Variants in RIC1 observed in about 807,000 individuals in gnomAD.
The protein encoded by RIC1 is RIC1 partner of RAB6A GEF complex.
In RIC1, 88 loss-of-function variants were observed where a neutral mutation model predicts 169.0. The observed-to-expected ratio is 0.52, with a 90% CI of 0.44 to 0.62. RIC1 has a LOEUF of 0.62. RIC1 is among the 20% of genes least tolerant of loss of function. RIC1 has a pLI of 0.00. For synonymous variants in RIC1, 790 were observed against 601.5 expected, an observed-to-expected ratio of 1.31 and a Z score of -4.59; for missense variants, 1,877 against 1,725.5, an observed-to-expected ratio of 1.09 and a Z score of -1.56.
intron 2 of RIC1, among the ~76,000 whole-genome samples, chr9:5,672,783 T>G (rs915726707): frequency 1.3e-5 from 2 of 152,156 alleles, no homozygotes; most frequent in African/African-American, 2.4e-5. Flanking sequence ...TATCTAGAGA[T>G]AATGTGCAGA....
At chr9:5,746,446 G>C (rs1035967030) in intron 11 of RIC1, among the ~76,000 whole-genome samples, 2 of 152,060 alleles carry the variant, frequency 1.3e-5, no homozygotes, top group African/African-American at 4.8e-5. Context: ...TTTTTTAAAA[G>C]TTTTGTTTCC....
intron 3 of RIC1, among the ~76,000 whole-genome samples, chr9:5,702,986 G>T (rs1015616341): frequency 6.6e-6 from 1 of 152,150 alleles, no homozygotes; most frequent in African/African-American, 2.4e-5. Context: ...TTTGACATAA[G>T]ATTTGTGTAG....
chr9:5,775,511 CTTGT>C lies in RIC1; in HGVS notation c.*1268_*1271del, dbSNP rs3068662. On this transcript the variant is annotated 3_prime_UTR_variant, in exon 26 of 26. Transcript: ENST00000414202. Reference sequence around the variant, plus strand: ...AATGTTATTTTTTACAAAAAACAAACTTGTTTATTTTTATAATAACGATGTATTT... The same window carrying C: ...AATGTTATTTTTTACAAAAAACAAACTTATTTTTATAATAACGATGTATTT... The C allele has an allele frequency of 5.9e-4, 90 of 152,172 alleles. 1 individual carries two copies. Among genetic ancestry groups the C allele is most frequent in the Admixed American group, 4.8e-3 (73 of 15,284 alleles). 9.4% of individuals were successfully genotyped at this position (152,172 alleles called of 1,614,324 possible).
At chr9:5,640,400 C>G (rs777557336) in intron 1 of RIC1, among the ~76,000 whole-genome samples, 2 of 152,168 alleles carry the variant, frequency 1.3e-5, no homozygotes, top group Admixed American at 6.5e-5. Context: ...CTTCATCCCT[C>G]TACACTTTAA....
chr9:5,756,492 G>A lies in RIC1; in HGVS notation c.1853+120G>A. ...TATATTCAATCTTGTTTTTGTTAGA[G>A]GTAAAAAAAGCAAGGAGTTTTAATT... On this transcript the variant is annotated intron_variant, in intron 16 of 25. Coordinates refer to ENST00000414202, the MANE Select transcript of RIC1 (RefSeq NM_020829.4). The A allele has an allele frequency of 1.6e-5, 10 of 610,254 alleles. No individual in the cohort carries two copies. In the South Asian group the frequency reaches 1.9e-4, roughly 11 times the overall value. 37.8% of individuals were successfully genotyped at this position (610,254 alleles called of 1,614,324 possible). A position where few individuals can be genotyped will look rare whatever the true frequency, so the allele number is the denominator to read the frequency against.
intron 3 of RIC1, among the ~76,000 whole-genome samples, chr9:5,700,895 T>A (rs551896235): frequency 6.6e-6 from 1 of 152,366 alleles, no homozygotes; most frequent in African/African-American, 2.4e-5. Context: ...CTGCAAGTTA[T>A]AAATATTTTT....
At chr9:5,693,060 A>G (rs551550767) in intron 3 of RIC1, among the ~76,000 whole-genome samples, 2 of 152,104 alleles carry the variant, frequency 1.3e-5, no homozygotes, top group Non-Finnish European at 2.9e-5. Context: ...TTTATGCTCC[A>G]TCCAGCTACT....
chr9:5,663,949 T>C (rs1337383979), intron 2 of RIC1, among the ~76,000 whole-genome samples: 1 of 152,234 alleles, frequency 6.6e-6, no homozygotes, highest in East Asian at 1.9e-4. Context: ...TAATGGTTTT[T>C]CCTTTCCATA....
intron 21 of RIC1, 94 bp from the exon 22 acceptor site, chr9:5,768,876 C>T: frequency 7.5e-6 from 10 of 1,329,970 alleles, no homozygotes; most frequent in Non-Finnish European, 1.0e-5. Flanking sequence ...GATCTCTTAT[C>T]TCCTTGTCAG....
rs542618517 is a variant in RIC1 at position 5,767,370 on chromosome 9, A to T, written c.3137+1572A>T. 2.0e-5 allele frequency among the ~76,000 whole-genome samples: 3 copies of T among 152,300 alleles called. No homozygotes were observed. In the South Asian group the frequency reaches 6.2e-4, roughly 32 times the overall value. Reference sequence around the variant, plus strand: ...GAATTCACACTAACATTATAAAATCATGAGAATTTCCTCTGGTTTGTGAGG... The same window carrying T: ...GAATTCACACTAACATTATAAAATCTTGAGAATTTCCTCTGGTTTGTGAGG... On this transcript the variant is annotated intron_variant, in intron 21 of 25. Transcript: ENST00000414202.
At chr9:5,679,161 G>A (rs1034696795) in intron 2 of RIC1, among the ~76,000 whole-genome samples, 4 of 152,142 alleles carry the variant, frequency 2.6e-5, no homozygotes, top group Non-Finnish European at 5.9e-5. Flanking sequence ...TTGTAGATAT[G>A]TGGCATTATT....
rs368169590 is a variant in RIC1, at chr9:5,763,547, T to C, written c.2520T>C (p.Leu840=). 8.1e-6 allele frequency: 13 copies of C among 1,614,038 alleles called. No homozygotes were observed. Among genetic ancestry groups the C allele is most frequent in the Non-Finnish European group, 1.0e-5 (12 of 1,180,018 alleles). ...HILRQLLVRN[L]GEQALLLAQS... The stretch of plus-strand genomic sequence containing the variant: ...TACGTCAACTTCTGGTCAGAAACCT[T>C]GGGGAGCAAGCCTTGCTCTTGGCCC... Residue 840 remains leucine, a synonymous_variant, in exon 19 of 26, where the codon CTT becomes CTC. Coordinates refer to ENST00000414202, the MANE Select transcript of RIC1 (RefSeq NM_020829.4). The surrounding 1 kb of genome is among the most constrained non-coding windows in gnomAD (Gnocchi z 5.2).
At chr9:5,703,213 CA>C (rs1296967262) in intron 3 of RIC1, among the ~76,000 whole-genome samples, 8 of 152,216 alleles carry the variant, frequency 5.3e-5, no homozygotes, top group African/African-American at 1.9e-4. Context: ...TTCCAAGATA[CA>C]ATGGGAATAC....
intron 6 of RIC1, among the ~76,000 whole-genome samples, chr9:5,725,426 C>T (rs75256313): frequency 1.6e-4 from 24 of 152,128 alleles, no homozygotes; most frequent in African/African-American, 4.1e-4. Flanking sequence ...TTTTTTATTG[C>T]GTCTACTTGA....
At chr9:5,695,901 C>G (rs1319673199) in intron 3 of RIC1, among the ~76,000 whole-genome samples, 1 of 152,024 alleles carries the variant, frequency 6.6e-6, no homozygotes, top group Non-Finnish European at 1.5e-5. Flanking sequence ...AGATTCATGT[C>G]TAAACCTCAC....
At chr9:5,668,659 G>A (rs1819922638) in intron 2 of RIC1, among the ~76,000 whole-genome samples, 1 of 151,960 alleles carries the variant, frequency 6.6e-6, no homozygotes, top group Non-Finnish European at 1.5e-5. Context: ...GCTCAAATTT[G>A]CTATTGAATT....
At chr9:5,695,771 A>T (rs1003506713) in intron 3 of RIC1, among the ~76,000 whole-genome samples, 3 of 151,834 alleles carry the variant, frequency 2.0e-5, no homozygotes, top group Non-Finnish European at 4.4e-5. Context: ...GGGTTTCACT[A>T]TGTTGGCCAG....
chr9:5,653,509 G>C (rs987629370), intron 1 of RIC1, among the ~76,000 whole-genome samples: 1 of 152,188 alleles, frequency 6.6e-6, no homozygotes, highest in African/African-American at 2.4e-5. Context: ...TGTATATCAA[G>C]TTGGGAAGAA....
At chr9:5,737,064 C>T (rs1440343577) in intron 7 of RIC1, among the ~76,000 whole-genome samples, 1 of 151,678 alleles carries the variant, frequency 6.6e-6, no homozygotes, top group African/African-American at 2.4e-5. Context: ...TAAAAAGTGT[C>T]TTTAAGAACA....
Sources: allele counts gnomAD v4.1 joint callset (sites outside exome capture counted in the v4.1 genomes callset), GRCh38; gene constraint gnomAD v4.1.1; non-coding constraint Gnocchi (gnomAD v3.1); transcripts MANE v1.5; gene names NCBI Gene and HGNC (gene_info 2026-07-23, HGNC 2026-07-21).